The following NUGGC variants were observed in gnomAD, a reference collection of about 807,000 sequenced individuals.
NUGGC encodes the protein nuclear GTPase, germinal center associated.
Under a neutral mutation model 92.6 loss-of-function variants are expected in NUGGC, and 58 were observed. The observed-to-expected ratio is 0.63, with a 90% CI of 0.51 to 0.78. The LOEUF is 0.78. NUGGC is among the 30% of genes least tolerant of loss of function. NUGGC has a pLI of 0.00. For synonymous variants in NUGGC, 376 were observed against 366.4 expected, an observed-to-expected ratio of 1.03 and a Z score of -0.30; for missense variants, 925 against 964.6, an observed-to-expected ratio of 0.96 and a Z score of 0.54.
intron 12 of NUGGC, among the ~76,000 whole-genome samples, chr8:28,044,643 A>ACCT (rs1452757255): frequency 6.6e-6 from 1 of 152,140 alleles, no homozygotes; most frequent in Admixed American, 6.5e-5. Flanking sequence ...ATTGTTACAG[A>ACCT]GTTATTCTTT....
rs1190067544 is a variant in NUGGC, at chr8:28,060,486, C to G, written c.1037G>C (p.Cys346Ser). ...GGTGACCACCAGGGCCACGTCCCTA[C>G]AGAAGCCCCGCTGGCAGGCTTTGAT... ...ESIKACQRGF[C>S]RDVALVVTKM... The change falls in exon 8 of 19, where the codon TGT (cysteine) becomes TCT (serine). Residue 346 changes from cysteine to serine, a missense_variant. Transcript: ENST00000413272. 2 of 1,613,836 alleles carry G rather than the reference C, an allele frequency of 1.2e-6. No homozygotes were observed. Among genetic ancestry groups the G allele is most frequent in the African/African-American group, 2.7e-5 (2 of 74,914 alleles).
At position 28,069,670 on chromosome 8, in the gene NUGGC, A is replaced by T; in HGVS notation, c.149-18T>A. 1.4e-6 allele frequency: 2 copies of T among 1,401,822 alleles called. No homozygotes were observed. Among genetic ancestry groups the T allele is most frequent in the Middle Eastern group, 1.8e-4 (1 of 5,650 alleles). 86.8% of individuals were successfully genotyped at this position (1,401,822 alleles called of 1,614,324 possible). ...TTTTTCATCTGGAATTAACAGAGAG[A>T]TGTCACCTGCAGGTACCTGGCAGGG... On this transcript the variant is annotated intron_variant, in intron 3 of 18. Transcript: ENST00000413272.
At chr8:28,061,869 C>A (rs1485096036) in intron 7 of NUGGC, among the ~76,000 whole-genome samples, 2 of 152,150 alleles carry the variant, frequency 1.3e-5, no homozygotes, top group African/African-American at 2.4e-5. Flanking sequence ...CAGCTCCCAT[C>A]CCACAAATAA....
At chr8:28,038,261 C>T (rs1033969437) in intron 13 of NUGGC, among the ~76,000 whole-genome samples, 6 of 152,184 alleles carry the variant, frequency 3.9e-5, no homozygotes, top group Non-Finnish European at 7.3e-5. Flanking sequence ...GTCTTGTGGT[C>T]CTCACCAGCA....
At chr8:28,069,473 G>T in intron 4 of NUGGC, 71 bp downstream of exon 4, 1 of 743,290 alleles carries the variant, frequency 1.3e-6, no homozygotes, top group Non-Finnish European at 2.3e-6. Context: ...TCCTTGTTGG[G>T]GGAAAGCACC....
chr8:28,023,518 C>T, intron 18 of NUGGC, 56 bp from the exon 19 acceptor site: 1 of 1,546,906 alleles, frequency 6.5e-7, no homozygotes, highest in Non-Finnish European at 8.8e-7. Context: ...AGAAACGTCT[C>T]CAGAAAGCAA....
Position 28,044,965 on chromosome 8 carries a change from A to C in NUGGC, c.1446+562T>G, listed in dbSNP as rs543807299. Among the ~76,000 whole-genome samples, 376 of 152,318 alleles carry C rather than the reference A, an allele frequency of 2.5e-3. 1 individual carries two copies. The highest frequency in any genetic ancestry group is 4.3e-3 in the Non-Finnish European group (292 of 68,032). ...AAAGAAACCATCCATGAAAGAGATA[A>C]ATATGTCAATTACTATGAGAAAAGT... On this transcript the variant is annotated intron_variant, in intron 12 of 18. Coordinates refer to ENST00000413272, the MANE Select transcript of NUGGC (RefSeq NM_001010906.2).
At chr8:28,080,671 TAG>T (rs1810828562) in intron 1 of NUGGC, among the ~76,000 whole-genome samples, 1 of 152,198 alleles carries the variant, frequency 6.6e-6, no homozygotes, top group Non-Finnish European at 1.5e-5. Context: ...GATCTAGATA[TAG>T]ATATATATCT....
At chr8:28,030,609 C>T (rs571533689) in intron 15 of NUGGC, among the ~76,000 whole-genome samples, 191 bp from the exon 16 acceptor site, 7 of 152,320 alleles carry the variant, frequency 4.6e-5, no homozygotes, top group African/African-American at 1.7e-4. Context: ...CTTTATACCC[C>T]AAGTGCTTCC....
rs558840362 is a variant in NUGGC, at chr8:28,042,278, G to A, written c.1447-1063C>T. The stretch of plus-strand genomic sequence containing the variant: ...ACTCATAGTGTTGTTCCCCACATGG[G>A]AACCTTGGTGGGCCCCACAGTGCCT... On this transcript the variant is annotated intron_variant, in intron 12 of 18. Coordinates refer to ENST00000413272, the MANE Select transcript of NUGGC (RefSeq NM_001010906.2). Among the ~76,000 whole-genome samples the A allele has an allele frequency of 1.4e-4, 22 of 152,206 alleles. No individual in the cohort carries two copies. The South Asian group carries it at 4.4e-3, about 30-fold the overall frequency.
chr8:28,055,875 T>C (rs1810120375), intron 10 of NUGGC, 90 bp downstream of exon 10: 2 of 693,650 alleles, frequency 2.9e-6, no homozygotes, highest in South Asian at 3.9e-5. Flanking sequence ...ACTTTGGCCC[T>C]TGCAACTACA....
At chr8:28,043,347 C>G (rs372871925) in intron 12 of NUGGC, among the ~76,000 whole-genome samples, 1 of 152,268 alleles carries the variant, frequency 6.6e-6, no homozygotes, top group East Asian at 1.9e-4. Context: ...AATGATTGCT[C>G]ATTTAAAATC....
chr8:28,072,197 T>C (rs2130265516), intron 2 of NUGGC, among the ~76,000 whole-genome samples: 1 of 152,332 alleles, frequency 6.6e-6, no homozygotes, highest in South Asian at 2.1e-4. Flanking sequence ...ACTTCGACCC[T>C]TCCCTCTCAG....
At position 28,023,577 on chromosome 8, in the gene NUGGC, G is replaced by A. The variant is rs561894970; in HGVS notation, c.2246-115C>T. ...GTCCCAGAATATGAGATCTGGAGTGGTGCTTACAGATCAGACATCAAAGCA... is the reference window on the plus strand; with the variant it reads ...GTCCCAGAATATGAGATCTGGAGTGATGCTTACAGATCAGACATCAAAGCA... On this transcript the variant is annotated intron_variant, in intron 18 of 18. Transcript: ENST00000413272. The A allele has an allele frequency of 3.9e-6, 4 of 1,016,208 alleles. No individual in the cohort carries two copies. In the South Asian group the frequency reaches 6.4e-5, roughly 16 times the overall value. The allele number at this position is 1,016,208 out of a possible 1,614,324, so 62.9% of individuals were successfully genotyped here.
intron 10 of NUGGC, among the ~76,000 whole-genome samples, chr8:28,053,475 G>C (rs1810057444): frequency 6.7e-6 from 1 of 149,054 alleles, no homozygotes; most frequent in South Asian, 2.2e-4. Context: ...AACAGAGTGA[G>C]ACCCATCTGG....
chr8:28,071,367 G>GA (rs779055888), intron 2 of NUGGC, among the ~76,000 whole-genome samples: 183 of 152,224 alleles, frequency 1.2e-3, no homozygotes, highest in Non-Finnish European at 2.0e-3. Flanking sequence ...CAGGTGACCA[G>GA]AAAAAATCAC....
chr8:28,073,464 C>T (rs570983372), intron 2 of NUGGC, among the ~76,000 whole-genome samples: 76 of 152,300 alleles, frequency 5.0e-4, no homozygotes, highest in African/African-American at 1.8e-3. Context: ...CACTGCTGCA[C>T]TTTGCCCCTA....
chr8:28,063,399 C>T (rs948442871), intron 7 of NUGGC, among the ~76,000 whole-genome samples: 2 of 152,236 alleles, frequency 1.3e-5, no homozygotes, highest in African/African-American at 4.8e-5. Context: ...TGGGCTGTCG[C>T]TCTCTCGGCC....
chr8:28,045,552 C>T lies in NUGGC; in HGVS notation c.1421G>A (p.Ser474Asn), dbSNP rs13279787. Residue 474 changes from serine (S) to asparagine (N), a missense_variant, in exon 12 of 19, where the codon AGT becomes AAT. Transcript: ENST00000413272. ...CGGCAGGTTTTGCGTGGAGTTGAAA[C>T]TATCTGTGAGGAGCAACAGGCCAAA... ...EAFGLLLLTD[S>N]FNSTQNLPNE... is the part of the protein sequence containing the mutation. 494,799 of 1,611,264 alleles carry T rather than the reference C, an allele frequency of 0.31. 78,958 individuals are homozygous for T. Among genetic ancestry groups the T allele is most frequent in the East Asian group, 0.46 (20,545 of 44,816 alleles).
Sources: allele counts gnomAD v4.1 joint callset (sites outside exome capture counted in the v4.1 genomes callset), GRCh38; gene constraint gnomAD v4.1.1; transcripts MANE v1.5; gene names NCBI Gene and HGNC (gene_info 2026-07-23, HGNC 2026-07-21).